Variants in GPHN observed in about 807,000 individuals in gnomAD.
The protein encoded by GPHN is gephyrin.
Under a neutral mutation model 95.5 loss-of-function variants are expected in GPHN, and 17 were observed. The observed-to-expected ratio is 0.18, with a 90% CI of 0.12 to 0.27. The LOEUF (loss-of-function observed/expected upper bound fraction) is 0.27. Ranked by LOEUF, GPHN falls within the 10% of genes least tolerant of loss-of-function variation. GPHN has a pLI of 1.00. For missense variants in GPHN, 660 were observed against 978.1 expected, an observed-to-expected ratio of 0.67 and a Z score of 4.34; for synonymous variants, 320 against 322.5, an observed-to-expected ratio of 0.99 and a Z score of 0.08.
At chr14:67,621,793 A>G in the GPHN span, among the ~76,000 whole-genome samples, 1 of 151,522 alleles carries the variant, frequency 6.6e-6, no homozygotes, top group South Asian at 2.1e-4. Flanking sequence ...TAGTAACAGC[A>G]CCAAATTTGA....
the GPHN span, among the ~76,000 whole-genome samples, chr14:67,597,382 A>G: frequency 1.3e-5 from 2 of 152,072 alleles, no homozygotes; most frequent in Non-Finnish European, 2.9e-5. Flanking sequence ...GGTGGCTGAG[A>G]TAAGAGGATC....
the GPHN span, among the ~76,000 whole-genome samples, chr14:67,702,679 A>G: frequency 6.6e-6 from 1 of 152,242 alleles, no homozygotes; most frequent in African/African-American, 2.4e-5. Flanking sequence ...CTTTGGGCTT[A>G]CTAATTTATG....
the GPHN span, chr14:67,574,105 G>A: frequency 1.3e-6 from 1 of 752,526 alleles, no homozygotes; most frequent in Admixed American, 2.9e-5. This position sits in a 1 kb window ranked among gnomAD's most constrained non-coding sequence, Gnocchi z 4.2. Context: ...AGATGAGGAG[G>A]AAAAGAAAGG....
At chr14:67,199,247 A>G in the GPHN span, 1 of 1,599,834 alleles carries the variant, frequency 6.3e-7, no homozygotes, top group Non-Finnish European at 8.6e-7. Flanking sequence ...TGAATTCTTG[A>G]GTGAGGATGA....
At chr14:67,427,422 C>T in the GPHN span, among the ~76,000 whole-genome samples, 1 of 152,188 alleles carries the variant, frequency 6.6e-6, no homozygotes, top group Non-Finnish European at 1.5e-5. Flanking sequence ...GAAATGCGGC[C>T]TTCGGCGGGC....
intron 2 of GPHN, among the ~76,000 whole-genome samples, chr14:66,699,467 A>G (rs935099214): frequency 1.3e-5 from 2 of 152,162 alleles, no homozygotes; most frequent in South Asian, 4.1e-4. Context: ...AGGGAATGCT[A>G]AAAAGATAGT....
At chr14:67,212,884 T>C in the GPHN span, among the ~76,000 whole-genome samples, 2 of 149,192 alleles carry the variant, frequency 1.3e-5, no homozygotes, top group East Asian at 1.9e-4. Context: ...CCAGAGCCTC[T>C]AGATACAAGT....
chr14:66,616,634 G>A (rs2063049884), intron 1 of GPHN, among the ~76,000 whole-genome samples: 1 of 152,130 alleles, frequency 6.6e-6, no homozygotes, highest in South Asian at 2.1e-4. Flanking sequence ...GCCTATGCCA[G>A]TAGGATTGCT....
the GPHN span, among the ~76,000 whole-genome samples, chr14:67,611,349 C>A: frequency 6.6e-6 from 1 of 152,108 alleles, no homozygotes; most frequent in African/African-American, 2.4e-5. Context: ...CAACCTCCAC[C>A]TCCCAGGTTC....
the GPHN span, among the ~76,000 whole-genome samples, chr14:67,244,029 A>G: frequency 6.6e-6 from 1 of 152,236 alleles, no homozygotes; most frequent in Non-Finnish European, 1.5e-5. Context: ...TGCTCTTCTC[A>G]GGATGTCTCA....
intron 4 of GPHN, among the ~76,000 whole-genome samples, chr14:66,862,403 C>T (rs1052987023): frequency 1.3e-5 from 2 of 151,980 alleles, no homozygotes; most frequent in African/African-American, 4.8e-5. Context: ...TTCTACAGAA[C>T]ATTTAAGGAA....
At chr14:67,476,025 G>A in the GPHN span, among the ~76,000 whole-genome samples, 123 of 152,230 alleles carry the variant, frequency 8.1e-4, 1 homozygote, top group African/African-American at 2.9e-3. Context: ...GTGTGGGACT[G>A]CATCAAGAAT....
At chr14:67,241,969 G>A in the GPHN span, 3 of 152,190 alleles carry the variant, frequency 2.0e-5, no homozygotes, top group African/African-American at 7.2e-5. Context: ...GCGTTCCTCT[G>A]CCTGACTCAG....
chr14:67,222,999 C>CTA, the GPHN span, among the ~76,000 whole-genome samples: 4 of 124,810 alleles, frequency 3.2e-5, no homozygotes, highest in African/African-American at 9.3e-5. Context: ...TCCCATTGGG[C>CTA]TTTTTTTTTT....
chr14:67,424,505 G>A, the GPHN span, among the ~76,000 whole-genome samples: 3 of 151,492 alleles, frequency 2.0e-5, no homozygotes, highest in African/African-American at 2.4e-5. Context: ...AGGCTGAGGT[G>A]GGGGGAGTGC....
the GPHN span, among the ~76,000 whole-genome samples, chr14:67,235,632 G>A: frequency 1.3e-5 from 2 of 151,836 alleles, no homozygotes; most frequent in African/African-American, 2.4e-5. Context: ...GCAGAATGGC[G>A]TGAACCCACG....
chr14:67,096,977 G>T (rs1337033126), intron 12 of GPHN, among the ~76,000 whole-genome samples: 1 of 152,096 alleles, frequency 6.6e-6, no homozygotes, highest in African/African-American at 2.4e-5. Flanking sequence ...ATAAAACTTT[G>T]TGTTAGAAAA....
In GPHN at chr14:67,122,363, T is replaced by C. The variant is rs77465022; in HGVS notation, c.1734T>C (p.Gly578=). ...ATGGTTACCCCACGATCAACTTGGG[T>C]ATTGTAGGAGACAAGTAAGTATTTG... is the stretch of plus-strand genomic sequence containing the variant. The part of the protein sequence containing the change: ...QEHGYPTINL[G]IVGDNPDDLL... Residue 578 remains glycine, a synonymous_variant, in exon 17 of 23, where the codon GGT becomes GGC. Transcript: ENST00000478722. 3,594 of 1,613,186 alleles carry C rather than the reference T, an allele frequency of 2.2e-3. 64 individuals carry two copies. The African/African-American group carries it at 0.039, about 17-fold the overall frequency.
chr14:66,854,171 C>T (rs951974319), intron 4 of GPHN, among the ~76,000 whole-genome samples: 2 of 152,170 alleles, frequency 1.3e-5, no homozygotes, highest in African/African-American at 4.8e-5. Context: ...CCTATCTAAT[C>T]ACTGCAAATC....
Sources: gnomAD v4.1 joint callset for allele counts (sites outside exome capture counted in the v4.1 genomes callset) on GRCh38, gnomAD v4.1.1 for gene constraint, Gnocchi (gnomAD v3.1) non-coding constraint, MANE v1.5 for transcripts, NCBI Gene and HGNC (gene_info 2026-07-23, HGNC 2026-07-21) for gene names.